Variants in PDXDC1 observed in about 807,000 individuals in gnomAD.
PDXDC1 encodes the protein pyridoxal-dependent decarboxylase domain-containing protein 1.
Under a neutral mutation model 100.1 loss-of-function variants are expected in PDXDC1, and 42 were observed. That is an observed-to-expected ratio of 0.42 (90% CI 0.33 to 0.54). The LOEUF (loss-of-function observed/expected upper bound fraction) is 0.54. PDXDC1 is among the 20% of genes least tolerant of loss of function. The pLI, the probability that PDXDC1 is intolerant of heterozygous loss-of-function variation, is 0.10. For missense variants in PDXDC1, 636 were observed against 979.2 expected (o/e 0.65, Z 4.68); for synonymous variants, 260 against 371.7 (o/e 0.70, Z 3.46).
At chr16:15,135,715 G>A (rs2048316723) in intron 16 of PDXDC1, 1 of 1,594,196 alleles carries the variant, frequency 6.3e-7, no homozygotes, top group Non-Finnish European at 8.6e-7. Flanking sequence ...CCAGGTTGGG[G>A]TCGTAGGACT....
intron 16 of PDXDC1, chr16:15,055,908 C>T (rs2044493284): frequency 8.1e-7 from 1 of 1,232,398 alleles, no homozygotes; most frequent in Non-Finnish European, 1.0e-6. Flanking sequence ...GGCGGGTGGG[C>T]TCGGACGAGG....
At chr16:15,075,384 G>T (rs1389535731) in intron 16 of PDXDC1, among the ~76,000 whole-genome samples, 1 of 152,058 alleles carries the variant, frequency 6.6e-6, no homozygotes, top group African/African-American at 2.4e-5. Context: ...ACCAGCCTGG[G>T]CAACACAGTG....
intron 16 of PDXDC1, among the ~76,000 whole-genome samples, chr16:15,102,416 G>C (rs1267578103): frequency 6.6e-6 from 1 of 151,676 alleles, no homozygotes; most frequent in African/African-American, 2.4e-5. Flanking sequence ...TGAGGCCTAA[G>C]GGTCAATGGG....
chr16:15,051,045 T>C (rs145171923), intron 16 of PDXDC1, among the ~76,000 whole-genome samples: 1 of 152,346 alleles, frequency 6.6e-6, no homozygotes, highest in Non-Finnish European at 1.5e-5. Context: ...TTGCCTCATC[T>C]TAGTTCAGAA....
chr16:15,023,937 A>C (rs1243754016), intron 13 of PDXDC1, among the ~76,000 whole-genome samples: 9 of 152,286 alleles, frequency 5.9e-5, no homozygotes, highest in Admixed American at 4.6e-4. Context: ...GATTGCAAAC[A>C]GAGAAGCAAA....
Position 15,034,511 on chromosome 16 carries a change from G to A in PDXDC1, c.1960G>A (p.Val654Ile). Reference protein sequence around the residue: ...VGSVLNWFSPVQALQKGRTFN... With the variant: ...VGSVLNWFSPIQALQKGRTFN... Reference sequence around the variant, plus strand: ...CTCCGTGCTGAATTGGTTTTCTCCGGTCCAGGCTTTACAGAAGGGAAGAAC... The same window carrying A: ...CTCCGTGCTGAATTGGTTTTCTCCGATCCAGGCTTTACAGAAGGGAAGAAC... Residue 654 changes from valine (V) to isoleucine (I), a missense_variant, in exon 21 of 23, where the codon GTC becomes ATC. Coordinates refer to ENST00000396410, the MANE Select transcript of PDXDC1 (RefSeq NM_015027.4). 1 of 1,614,156 alleles carries A rather than the reference G, an allele frequency of 6.2e-7. No individual in the cohort carries two copies.
At chr16:14,997,353 A>C (rs1318398747) in intron 1 of PDXDC1, among the ~76,000 whole-genome samples, 1 of 152,272 alleles carries the variant, frequency 6.6e-6, no homozygotes, top group Admixed American at 6.5e-5. Flanking sequence ...CATGGCCAAC[A>C]TGGTGAAACC....
At chr16:15,034,574 C>A in intron 21 of PDXDC1, 21 bp downstream of exon 21, 1 of 1,573,034 alleles carries the variant, frequency 6.4e-7, no homozygotes, top group Non-Finnish European at 8.7e-7. Flanking sequence ...ATAGCCTCTT[C>A]CCAGGTCTTG....
At chr16:15,072,547 A>G (rs1162743432) in intron 16 of PDXDC1, among the ~76,000 whole-genome samples, 6 of 152,114 alleles carry the variant, frequency 3.9e-5, no homozygotes, top group Non-Finnish European at 8.8e-5. Flanking sequence ...CACACCTGTA[A>G]TCCCAACGCT....
intron 13 of PDXDC1, among the ~76,000 whole-genome samples, chr16:15,024,729 C>T (rs2042457654): frequency 6.6e-6 from 1 of 152,284 alleles, no homozygotes; most frequent in Non-Finnish European, 1.5e-5. Flanking sequence ...CCCAATTCTT[C>T]TCATGACTGG....
rs537326147 is a variant in PDXDC1 at position 15,123,210 on chromosome 16, G to T, written c.1400-15669G>T. Among the ~76,000 whole-genome samples, 1,252 of 151,164 alleles carry T rather than the reference G, an allele frequency of 8.3e-3. 21 individuals carry two copies. Among genetic ancestry groups the T allele is most frequent in the African/African-American group, 0.028 (1,168 of 41,090 alleles). ...ACAATGGACATTCCAAGTAGCGCCC[G>T]CATCATCCCAATGACCCCTCCCCCA... On this transcript the variant is annotated intron_variant, in intron 16 of 16. Transcript: ENST00000535621.
At chr16:15,069,996 A>C in intron 16 of PDXDC1, 1 of 1,221,306 alleles carries the variant, frequency 8.2e-7, no homozygotes, top group Non-Finnish European at 1.2e-6. Flanking sequence ...AATCTCAAAA[A>C]AGTAATGAAT....
At chr16:15,071,006 T>G in intron 16 of PDXDC1, 1 of 851,194 alleles carries the variant, frequency 1.2e-6, no homozygotes, top group Non-Finnish European at 1.8e-6. Context: ...GAGTAGGGAT[T>G]TTATTCACTT....
chr16:15,110,222 A>C (rs1220993192), intron 16 of PDXDC1, among the ~76,000 whole-genome samples: 1 of 149,518 alleles, frequency 6.7e-6, no homozygotes, highest in Non-Finnish European at 1.5e-5. Flanking sequence ...CCCTGAAAAA[A>C]TGACAAACAA....
intron 16 of PDXDC1, among the ~76,000 whole-genome samples, chr16:15,089,946 C>G (rs1166950712): frequency 1.3e-5 from 2 of 151,810 alleles, no homozygotes; most frequent in Non-Finnish European, 2.9e-5. Flanking sequence ...CAGTGGCTCA[C>G]ACTTGTAATC....
At chr16:15,092,015 A>G (rs1431418800) in intron 16 of PDXDC1, among the ~76,000 whole-genome samples, 1 of 151,928 alleles carries the variant, frequency 6.6e-6, no homozygotes, top group Non-Finnish European at 1.5e-5. Flanking sequence ...TGCCTCTACT[A>G]AAAAAATAAA....
At chr16:15,054,831 T>C (rs1327681351) in intron 16 of PDXDC1, among the ~76,000 whole-genome samples, 1 of 152,282 alleles carries the variant, frequency 6.6e-6, no homozygotes, top group Non-Finnish European at 1.5e-5. Context: ...GACAGACCAA[T>C]AGAGAACAAA....
At chr16:15,070,234 T>C in intron 16 of PDXDC1, 1 of 1,611,172 alleles carries the variant, frequency 6.2e-7, no homozygotes, top group Non-Finnish European at 8.5e-7. Flanking sequence ...AACCAAAAGA[T>C]CTAGGCATGA....
At chr16:15,116,466 C>A in intron 16 of PDXDC1, among the ~76,000 whole-genome samples, 1 of 42,156 alleles carries the variant, frequency 2.4e-5, no homozygotes, top group Non-Finnish European at 4.9e-5. Context: ...GGTGACAGAG[C>A]GAGACTCTGT....
Sources: allele counts gnomAD v4.1 joint callset (sites outside exome capture counted in the v4.1 genomes callset), GRCh38; gene constraint gnomAD v4.1.1; transcripts MANE v1.5; gene names NCBI Gene and HGNC (gene_info 2026-07-23, HGNC 2026-07-21).